Variants in ABCA4 observed in about 807,000 individuals in gnomAD.
ABCA4 encodes the protein retinal-specific phospholipid-transporting ATPase ABCA4.
ABCA4 carries 196 observed loss-of-function variants against 263.7 expected under a neutral mutation model. The ratio of observed to expected loss-of-function variants is 0.74; its 90% CI spans 0.66 to 0.84. The LOEUF is 0.84. ABCA4 is among the 40% of genes least tolerant of loss of function. ABCA4 has a pLI of 0.00. For synonymous variants in ABCA4, 1,133 were observed against 1,094.2 expected, an observed-to-expected ratio of 1.04 and a Z score of -0.70; for missense variants, 2,792 against 2,855.1, an observed-to-expected ratio of 0.98 and a Z score of 0.50.
chr1:94,009,219 T>C (rs758648433), intron 40 of ABCA4, among the ~76,000 whole-genome samples: 28 of 152,104 alleles, frequency 1.8e-4, no homozygotes, highest in Admixed American at 4.6e-4. Flanking sequence ...GCACAGTGCC[T>C]GGCACAGAGT....
intron 26 of ABCA4, among the ~76,000 whole-genome samples, chr1:94,033,893 G>T (rs1227217414): frequency 6.6e-6 from 1 of 152,062 alleles, no homozygotes; most frequent in African/African-American, 2.4e-5. Flanking sequence ...CCTCCCTCTG[G>T]GAGGATCCCT....
chr1:94,001,747 T>A, intron 45 of ABCA4, 111 bp downstream of exon 45: 1 of 1,518,252 alleles, frequency 6.6e-7, no homozygotes, highest in African/African-American at 1.4e-5. Flanking sequence ...CAGTCCAGAC[T>A]AAAGCCAAAC....
At position 94,021,404 on chromosome 1, in the gene ABCA4, C is replaced by T. The variant is rs61752439; in HGVS notation, c.4854G>A (p.Trp1618Ter). ...GGGCATGCCAGCCTTTGTTATTAAA[C>T]CACACCTAGAGGGTGGAGAGGACAT... ...HLETEDNIKV[W>*]FNNKGWHALV... is the part of the protein sequence containing the mutation. The change falls in exon 35 of 50, where the codon TGG becomes TGA. Residue 1618 changes from tryptophan (W) to a stop codon, truncating the protein, a stop_gained. Coordinates refer to ENST00000370225, the MANE Select transcript of ABCA4 (RefSeq NM_000350.3). LOFTEE classifies it high-confidence loss of function. The T allele has an allele frequency of 1.2e-6, 2 of 1,614,148 alleles. No homozygotes were observed. Among genetic ancestry groups the T allele is most frequent in the Admixed American group, 3.3e-5 (2 of 60,016 alleles).
At chr1:94,100,944 C>A (rs1002171930) in intron 5 of ABCA4, among the ~76,000 whole-genome samples, 20 of 152,320 alleles carry the variant, frequency 1.3e-4, no homozygotes, top group African/African-American at 4.8e-4. Flanking sequence ...GACAGGTGAG[C>A]CCACAAGGCA....
intron 14 of ABCA4, chr1:94,059,414 C>G (rs138794385): frequency 9.3e-4 from 141 of 152,324 alleles, no homozygotes; most frequent in African/African-American, 3.2e-3. Context: ...TAGCACAGAG[C>G]ATAACCAAGG....
At chr1:94,011,118 T>C in intron 39 of ABCA4, 144 bp downstream of exon 39, 2 of 1,543,010 alleles carry the variant, frequency 1.3e-6, no homozygotes, top group Admixed American at 3.5e-5. Context: ...ACCCTAATCC[T>C]CTCCAGCTGG....
At chr1:94,010,956 C>T (rs754555095) in intron 39 of ABCA4, 27 bp from the exon 40 acceptor site, 100 of 1,613,858 alleles carry the variant, frequency 6.2e-5, no homozygotes, top group Non-Finnish European at 7.9e-5. Context: ...ATTGAGTCCA[C>T]TTCAGCCGCC....
In ABCA4 at chr1:94,008,821, G is replaced by T. The variant is rs1178700065; in HGVS notation, c.5765C>A (p.Ala1922Asp). Residue 1922 changes from alanine to aspartate, a missense_variant, in exon 41 of 50, where the codon GCT becomes GAT. Coordinates refer to ENST00000370225, the MANE Select transcript of ABCA4 (RefSeq NM_000350.3). ...AGTAATAATTCTTTGTCTTTCTTCA[G>T]CCACATCATCATCTTCATCAACAAT... is the stretch of plus-strand genomic sequence containing the variant. ...EPIVDEDDDVAEERQRIITGG... is the reference protein window; with the variant it reads ...EPIVDEDDDVDEERQRIITGG... 6.2e-7 allele frequency: 1 copy of T among 1,613,468 alleles called. No homozygotes were observed.
chr1:94,118,274 G>A (rs531629818), intron 1 of ABCA4, among the ~76,000 whole-genome samples: 8 of 152,080 alleles, frequency 5.3e-5, no homozygotes, highest in Admixed American at 2.6e-4. Flanking sequence ...TGTTAACAGA[G>A]GAAGAAAAAA....
At position 94,103,103 on chromosome 1, in the gene ABCA4, T is replaced by A. The variant is rs758365569; in HGVS notation, c.482A>T (p.Glu161Val). The change falls in exon 5 of 50, where the codon GAA becomes GTA. Residue 161 changes from glutamate (E) to valine (V), a missense_variant. Transcript: ENST00000370225. Reference protein sequence around the residue: ...IRIRDILKDEETLTLFLIKNI... With the variant: ...IRIRDILKDEVTLTLFLIKNI... ...TTTAATGAGAAATAGTGTCAGTGTT[T>A]CTTCATCTTTCAAGATATCCCTTAT... 1 of 1,614,170 alleles carries A rather than the reference T, an allele frequency of 6.2e-7. No homozygotes were observed. The highest frequency in any genetic ancestry group is 8.5e-7 in the Non-Finnish European group (1 of 1,180,006).
At chr1:94,108,540 G>T (rs764102936) in intron 4 of ABCA4, 37 bp downstream of exon 4, 1 of 1,612,244 alleles carries the variant, frequency 6.2e-7, no homozygotes. Context: ...CCATAGGTGA[G>T]GGAAATGATG....
chr1:94,013,342 C>G (rs1384244604), intron 38 of ABCA4, among the ~76,000 whole-genome samples: 3 of 152,214 alleles, frequency 2.0e-5, no homozygotes, highest in Admixed American at 2.0e-4. Context: ...AAGAGTCAGT[C>G]TCAGGGGTCC....
intron 15 of ABCA4, 106 bp from the exon 16 acceptor site, chr1:94,055,421 A>T: frequency 1.8e-6 from 2 of 1,112,978 alleles, no homozygotes; most frequent in Non-Finnish European, 2.6e-6. Context: ...GAGGGTCCCC[A>T]TTGTCTCTCA....
chr1:94,083,413 T>C lies in ABCA4; in HGVS notation c.797A>G (p.Gln266Arg). 6.2e-7 allele frequency: 1 copy of C among 1,613,812 alleles called. No individual in the cohort carries two copies. Among genetic ancestry groups the C allele is most frequent in the Non-Finnish European group, 8.5e-7 (1 of 1,179,868 alleles). The change falls in exon 7 of 50, where the codon CAA becomes CGA. Residue 266 changes from glutamine (Q) to arginine (R), a missense_variant. Physicochemically the swap from Gln to Arg is conservative, Grantham distance 43. Coordinates refer to ENST00000370225, the MANE Select transcript of ABCA4 (RefSeq NM_000350.3). ...TCCCCAAGATCTCAGATTGATACCT[T>C]GAGAACGGCTGTCTAGGAGTGTGGG... ...VLPTLLDSRSQGINLRSWGGI... is the reference protein window; with the variant it reads ...VLPTLLDSRSRGINLRSWGGI...
chr1:94,062,505 C>G, intron 13 of ABCA4, 72 bp downstream of exon 13: 2 of 1,561,112 alleles, frequency 1.3e-6, no homozygotes, highest in Non-Finnish European at 1.8e-6. Context: ...GAGGGCACCC[C>G]CAGCCCACCC....
intron 36 of ABCA4, among the ~76,000 whole-genome samples, chr1:94,018,232 C>T (rs1659791683): frequency 6.6e-6 from 1 of 152,246 alleles, no homozygotes; most frequent in Non-Finnish European, 1.5e-5. Context: ...AACACGTGGG[C>T]CAGCCCCAAG....
chr1:93,992,897 C>T lies in ABCA4; in HGVS notation c.*340G>A, dbSNP rs1251148075. On this transcript the variant is annotated 3_prime_UTR_variant, in exon 50 of 50. Transcript: ENST00000370225. ...GAAAATCACACACAACGCAGACACA[C>T]AGACAAACATGCAGAAAAGCAGATC... 1 of 403,656 alleles carries T rather than the reference C, an allele frequency of 2.5e-6. No homozygotes were observed. Among genetic ancestry groups the T allele is most frequent in the East Asian group, 4.9e-5 (1 of 20,560 alleles). The allele number at this position is 403,656 out of a possible 1,614,324, so 25.0% of individuals were successfully genotyped here.
chr1:94,006,127 A>G (rs1355814111), intron 43 of ABCA4, among the ~76,000 whole-genome samples: 2 of 152,224 alleles, frequency 1.3e-5, no homozygotes, highest in African/African-American at 2.4e-5. Flanking sequence ...ACTAAAAAAT[A>G]TATTGCCAAG....
At position 94,064,220 on chromosome 1, in the gene ABCA4, G is replaced by C. The variant is rs143492891; in HGVS notation, c.1555-903C>G. On this transcript the variant is annotated intron_variant, in intron 11 of 49. Transcript: ENST00000370225. ...TGTGCCAGAGCCTGGTCGACTCTAG[G>C]AATACAAGAAGGAAAGATAAACATC... Among the ~76,000 whole-genome samples the C allele has an allele frequency of 6.7e-3, 1,028 of 152,304 alleles. 7 individuals carry two copies. The highest frequency in any genetic ancestry group is 0.011 in the Non-Finnish European group (739 of 68,024).
Sources: allele counts gnomAD v4.1 joint callset (sites outside exome capture counted in the v4.1 genomes callset), GRCh38; gene constraint gnomAD v4.1.1; transcripts MANE v1.5; gene names NCBI Gene and HGNC (gene_info 2026-07-23, HGNC 2026-07-21).